LRRC9: variants seen among roughly 807,000 people sequenced by gnomAD.
LRRC9 encodes leucine rich repeat containing 9.
In LRRC9, 122 loss-of-function variants were observed where a neutral mutation model predicts 63.2. The observed-to-expected ratio is 1.93, with a 90% CI of 1.67 to 2.24. The LOEUF (loss-of-function observed/expected upper bound fraction) is 2.24. Ranked by LOEUF, LRRC9 falls within the 30% of genes most tolerant of loss-of-function variation. The pLI, the probability that LRRC9 is intolerant of heterozygous loss-of-function variation, is 0.00. For missense variants in LRRC9, 1,071 were observed against 627.7 expected, an observed-to-expected ratio of 1.71 and a Z score of -7.55; for synonymous variants, 366 against 213.1, an observed-to-expected ratio of 1.72 and a Z score of -6.25.
At position 59,923,812 on chromosome 14, in the gene LRRC9, G is replaced by C. The variant is rs938097450; in HGVS notation, c.-34+3929G>C. Among the ~76,000 whole-genome samples, 18 of 152,124 alleles carry C rather than the reference G, an allele frequency of 1.2e-4. No individual in the cohort carries two copies. The highest frequency in any genetic ancestry group is 4.3e-4 in the African/African-American group (18 of 41,412). ...AAAAATTAGCCGGGCGTGGTGGCAG[G>C]CGCCTATAGTTCCAGCGACTCCGAA... On this transcript the variant is annotated intron_variant, in intron 1 of 31. Coordinates refer to ENST00000445360, the Ensembl canonical transcript of LRRC9. This position sits in a 1 kb window ranked among gnomAD's most constrained non-coding sequence, Gnocchi z 4.2.
In LRRC9 at chr14:60,053,562, T is replaced by C. The variant is rs1045449736; in HGVS notation, c.4131+357T>C. Among the ~76,000 whole-genome samples the C allele has an allele frequency of 6.6e-6, 1 of 152,174 alleles. No individual in the cohort carries two copies. Among genetic ancestry groups the C allele is most frequent in the Non-Finnish European group, 1.5e-5 (1 of 68,026 alleles). ...AACTATAACATATCACTTTCATAAA[T>C]AGAAACTAACAATAAAACTATTTCC... On this transcript the variant is annotated intron_variant, in intron 30 of 31. Transcript: ENST00000445360. This position sits in a 1 kb window ranked among gnomAD's most constrained non-coding sequence, Gnocchi z 4.8.
intron 8 of LRRC9, among the ~76,000 whole-genome samples, chr14:59,959,058 A>G (rs1794621416): frequency 6.6e-6 from 1 of 152,258 alleles, no homozygotes; most frequent in Non-Finnish European, 1.5e-5. Context: ...CTATTCAGCC[A>G]TCTTGGCCCC....
chr14:59,995,116 T>G (rs1224091010), intron 17 of LRRC9, among the ~76,000 whole-genome samples: 1 of 152,216 alleles, frequency 6.6e-6, no homozygotes, highest in African/African-American at 2.4e-5. Flanking sequence ...GTGGAAGGAC[T>G]GGGATTCATA....
rs1889809437 is a variant in LRRC9, at chr14:59,932,778, C to A, written c.543+739C>A. On this transcript the variant is annotated intron_variant, in intron 6 of 31. Coordinates refer to ENST00000445360, the Ensembl canonical transcript of LRRC9. The surrounding 1 kb of genome is among the most constrained non-coding windows in gnomAD (Gnocchi z 4.7). The stretch of plus-strand genomic sequence containing the variant: ...GCATTAATGAAAAATATCTTCCTAA[C>A]AATTTTTCCTGTGTTTGTCCTTTCC... Among the ~76,000 whole-genome samples the A allele has an allele frequency of 6.6e-6, 1 of 152,036 alleles. No homozygotes were observed. Among genetic ancestry groups the A allele is most frequent in the Admixed American group, 6.6e-5 (1 of 15,250 alleles).
At chr14:59,970,041 G>A (rs188043554) in intron 12 of LRRC9, among the ~76,000 whole-genome samples, 3 of 152,100 alleles carry the variant, frequency 2.0e-5, no homozygotes, top group Admixed American at 1.3e-4. Flanking sequence ...GGTGTATGTT[G>A]TACAGATTAT....
In LRRC9 at chr14:59,937,829, A is replaced by G. The variant is rs79452115; in HGVS notation, c.544-561A>G. On this transcript the variant is annotated intron_variant, in intron 6 of 31. Transcript: ENST00000445360. ...GTGAGAAAACTGAGGCCCTCAAAAG[A>G]AAGTTAGGCTTTAGTTGACCATAAT... Among the ~76,000 whole-genome samples the G allele has an allele frequency of 4.0e-3, 603 of 152,278 alleles. 21 individuals are homozygous for G. The East Asian group carries it at 0.058, about 15-fold the overall frequency.
intron 23 of LRRC9, among the ~76,000 whole-genome samples, chr14:60,011,078 T>C (rs867513717): frequency 4.6e-5 from 7 of 152,208 alleles, no homozygotes; most frequent in Admixed American, 2.6e-4. Context: ...ATTTACTGCA[T>C]TAGTCTGTTC....
In LRRC9 at chr14:59,932,043, T is replaced by A. The variant is rs1219827531; in HGVS notation, c.543+4T>A. The A allele has an allele frequency of 2.9e-6, 2 of 696,664 alleles. No homozygotes were observed. The highest frequency in any genetic ancestry group is 5.2e-6 in the Non-Finnish European group (2 of 382,410). 43.2% of individuals were successfully genotyped at this position (696,664 alleles called of 1,614,324 possible). On this transcript the variant is annotated splice_donor_region_variant and intron_variant, in intron 6 of 31. Coordinates refer to ENST00000445360, the Ensembl canonical transcript of LRRC9. This position sits in a 1 kb window ranked among gnomAD's most constrained non-coding sequence, Gnocchi z 4.7. ...TAACCAAATATGTTCTTTCAAGGTATGTTTAAGTGGAATAATTAATTTTTA... is the reference window on the plus strand; with the variant it reads ...TAACCAAATATGTTCTTTCAAGGTAAGTTTAAGTGGAATAATTAATTTTTA...
chr14:59,989,448 A>C (rs1310528380), intron 17 of LRRC9, among the ~76,000 whole-genome samples: 1 of 151,718 alleles, frequency 6.6e-6, no homozygotes, highest in African/African-American at 2.4e-5. Flanking sequence ...TGACTAATTT[A>C]GTGTTTATTT....
At chr14:59,981,776 A>G (rs1318573560) in intron 15 of LRRC9, 72 bp from the exon 16 acceptor site, 4 of 634,860 alleles carry the variant, frequency 6.3e-6, no homozygotes, top group South Asian at 3.8e-5. Context: ...CATCTTTTCT[A>G]CATAGCTTGT....
At chr14:59,920,745 C>T (rs1435419096) in intron 1 of LRRC9, among the ~76,000 whole-genome samples, 3 of 152,212 alleles carry the variant, frequency 2.0e-5, no homozygotes, top group African/African-American at 7.2e-5. Context: ...CTAACCAACT[C>T]TCACGGCAGA....
rs772435150 is a variant in LRRC9 at position 59,926,762 on chromosome 14, CACTT to C, written c.-33-1147_-33-1144del. On this transcript the variant is annotated intron_variant, in intron 1 of 31. Coordinates refer to ENST00000445360, the Ensembl canonical transcript of LRRC9. Reference sequence around the variant, plus strand: ...GTTCAACATTTGTTTACGTGAAACTCACTTATGTTGCAAATAACAGTAGTTGTTT... The same window carrying C: ...GTTCAACATTTGTTTACGTGAAACTCATGTTGCAAATAACAGTAGTTGTTT... Among the ~76,000 whole-genome samples the C allele has an allele frequency of 3.2e-4, 48 of 152,078 alleles. 1 individual carries two copies. Among genetic ancestry groups the C allele is most frequent in the Non-Finnish European group, 2.9e-5 (2 of 68,006 alleles).
At chr14:59,961,033 G>T in exon 10 of LRRC9, 1 of 680,596 alleles carries the variant, frequency 1.5e-6, no homozygotes. Context: ...GAAGGCACTC[G>T]ATCTGATGAC....
At chr14:60,032,909 T>C (rs1892110919) in intron 29 of LRRC9, among the ~76,000 whole-genome samples, 1 of 152,126 alleles carries the variant, frequency 6.6e-6, no homozygotes, top group Non-Finnish European at 1.5e-5. Flanking sequence ...GGCCACATCA[T>C]AGAGCTACTT....
At chr14:60,043,907 G>A (rs546976166) in intron 29 of LRRC9, among the ~76,000 whole-genome samples, 2 of 151,638 alleles carry the variant, frequency 1.3e-5, no homozygotes, top group South Asian at 4.2e-4. Context: ...ATGTTTGGTA[G>A]AATTCAGCAG....
intron 22 of LRRC9, among the ~76,000 whole-genome samples, chr14:60,007,659 C>A (rs1676014596): frequency 6.6e-6 from 1 of 152,072 alleles, no homozygotes; most frequent in Non-Finnish European, 1.5e-5. Flanking sequence ...TAAGCCCTTA[C>A]CATTAATAGA....
chr14:59,948,072 G>T (rs1403354656), intron 8 of LRRC9, among the ~76,000 whole-genome samples: 1 of 127,672 alleles, frequency 7.8e-6, no homozygotes, highest in African/African-American at 3.2e-5. Flanking sequence ...GATGGGGATG[G>T]TATTGAATCT....
rs936435801 is a variant in LRRC9, at chr14:60,050,230, C to T, written c.3991-2835C>T. ...AGGCTGGTCTCAAACTCCTGACCTC[C>T]GGTGATCCACCCTTCTTGGCCTCCC... On this transcript the variant is annotated intron_variant, in intron 29 of 31. Transcript: ENST00000445360. Among the ~76,000 whole-genome samples the T allele has an allele frequency of 7.2e-5, 11 of 152,124 alleles. No individual in the cohort carries two copies. In the South Asian group the frequency reaches 1.5e-3, roughly 20 times the overall value.
intron 15 of LRRC9, among the ~76,000 whole-genome samples, chr14:59,979,797 TCA>T (rs1886728975): frequency 8.4e-6 from 1 of 119,226 alleles, no homozygotes; most frequent in African/African-American, 3.2e-5. Context: ...CAGGGGAACA[TCA>T]CACTCTGGGG....
Sources: allele counts gnomAD v4.1 joint callset (sites outside exome capture counted in the v4.1 genomes callset), GRCh38; gene constraint gnomAD v4.1.1; non-coding constraint Gnocchi (gnomAD v3.1); transcripts MANE v1.5; gene names NCBI Gene and HGNC (gene_info 2026-07-23, HGNC 2026-07-21).